The following ADAMTS6 variants were observed in gnomAD, a reference collection of about 807,000 sequenced individuals.
ADAMTS6 encodes the protein A disintegrin and metalloproteinase with thrombospondin motifs 6.
ADAMTS6 carries 23 observed loss-of-function variants against 144.3 expected under a neutral mutation model. That is an observed-to-expected ratio of 0.16 (90% CI 0.11 to 0.23). The LOEUF (loss-of-function observed/expected upper bound fraction) is 0.23, where lower values mean the gene tolerates loss of function less well. Ranked by LOEUF, ADAMTS6 falls within the 10% of genes least tolerant of loss-of-function variation. The pLI, the probability that ADAMTS6 is intolerant of heterozygous loss-of-function variation, is 1.00. For missense variants in ADAMTS6, 999 were observed against 1,379.6 expected (o/e 0.72, Z 4.37); for synonymous variants, 444 against 457.5 (o/e 0.97, Z 0.38).
At chr5:65,361,944 A>G (rs1749862852) in intron 7 of ADAMTS6, among the ~76,000 whole-genome samples, 1 of 152,148 alleles carries the variant, frequency 6.6e-6, no homozygotes, top group Non-Finnish European at 1.5e-5. Context: ...CACATTGCCC[A>G]GGCTGGTCTC....
intron 12 of ADAMTS6, among the ~76,000 whole-genome samples, chr5:65,270,844 G>T (rs1392194649): frequency 1.3e-5 from 2 of 152,096 alleles, no homozygotes; most frequent in Non-Finnish European, 2.9e-5. Context: ...GCCTTTGGAG[G>T]TATGTCAGAA....
Position 65,470,769 on chromosome 5 carries a change from T to C in ADAMTS6, c.462+9A>G. 6.5e-7 allele frequency: 1 copy of C among 1,539,128 alleles called. No homozygotes were observed. ...CCATCAGAAGTTTAAAATTATAGCA[T>C]CTACTTACCAACCCAACACAGTTGC... On this transcript the variant is annotated intron_variant, in intron 3 of 24. Coordinates refer to ENST00000381055, the MANE Select transcript of ADAMTS6 (RefSeq NM_197941.4).
chr5:65,447,039 T>A (rs1758322862), intron 7 of ADAMTS6, among the ~76,000 whole-genome samples: 1 of 152,124 alleles, frequency 6.6e-6, no homozygotes, highest in Admixed American at 6.5e-5. Context: ...CTGTTACGTA[T>A]TATTATCTTA....
intron 10 of ADAMTS6, chr5:65,297,341 G>T: frequency 2.3e-6 from 1 of 426,416 alleles, no homozygotes; most frequent in Non-Finnish European, 4.6e-6. Flanking sequence ...TATTCTATTG[G>T]CCATGGAATA....
intron 14 of ADAMTS6, among the ~76,000 whole-genome samples, chr5:65,253,812 CTTTTTTTTTTTTTTTTTTTTT>C (rs759508097): frequency 4.5e-5 from 3 of 66,962 alleles, no homozygotes; most frequent in African/African-American, 1.3e-4. Context: ...AATATTCAAT[CTTTTTTTTTTTTTTTTTTTTT>C]TTTTTTTTTT....
chr5:65,196,101 C>T (rs940562449), intron 21 of ADAMTS6, among the ~76,000 whole-genome samples: 5 of 152,168 alleles, frequency 3.3e-5, no homozygotes, highest in South Asian at 2.1e-4. Context: ...CATTAATCAA[C>T]AGAAAGAGAC....
intron 7 of ADAMTS6, among the ~76,000 whole-genome samples, chr5:65,398,808 GAAAGAA>G (rs1753626382): frequency 2.3e-5 from 2 of 88,304 alleles, no homozygotes; most frequent in Non-Finnish European, 4.9e-5. Context: ...AAGAAAGAAA[GAAAGAA>G]AGAAAGAAAG....
At chr5:65,219,950 T>C (rs1378982388) in intron 18 of ADAMTS6, among the ~76,000 whole-genome samples, 1 of 152,186 alleles carries the variant, frequency 6.6e-6, no homozygotes, top group Non-Finnish European at 1.5e-5. Flanking sequence ...TTTCAGTAAT[T>C]CTTCAACAAG....
chr5:65,432,106 A>T (rs1010571737), intron 7 of ADAMTS6, among the ~76,000 whole-genome samples: 3 of 152,062 alleles, frequency 2.0e-5, no homozygotes, highest in Admixed American at 6.6e-5. Flanking sequence ...GAACTTATGA[A>T]ATAAGAATAA....
At chr5:65,243,997 T>C (rs751585228) in intron 14 of ADAMTS6, among the ~76,000 whole-genome samples, 3 of 152,074 alleles carry the variant, frequency 2.0e-5, no homozygotes, top group Non-Finnish European at 2.9e-5. Flanking sequence ...GCAATATATA[T>C]AGCATATGAC....
intron 7 of ADAMTS6, among the ~76,000 whole-genome samples, chr5:65,334,538 C>T (rs1050897697): frequency 6.6e-6 from 1 of 152,084 alleles, no homozygotes; most frequent in Non-Finnish European, 1.5e-5. Context: ...GTTGCTTTAA[C>T]TCTAGCACAG....
At chr5:65,410,580 A>G (rs935774735) in intron 7 of ADAMTS6, among the ~76,000 whole-genome samples, 10 of 152,196 alleles carry the variant, frequency 6.6e-5, no homozygotes, top group Admixed American at 5.9e-4. Context: ...TATGCAATAT[A>G]TTAATATTAT....
At chr5:65,424,813 T>C (rs778766389) in intron 7 of ADAMTS6, among the ~76,000 whole-genome samples, 1 of 152,210 alleles carries the variant, frequency 6.6e-6, no homozygotes, top group Non-Finnish European at 1.5e-5. Flanking sequence ...GGCTTTTTAA[T>C]TATGTTGTTT....
rs565162445 is a variant in ADAMTS6, at chr5:65,149,498, A to G, written c.*2338T>C. 248 of 152,440 alleles carry G rather than the reference A, an allele frequency of 1.6e-3. No homozygotes were observed. The highest frequency in any genetic ancestry group is 2.9e-3 in the Non-Finnish European group (198 of 68,070). 9.4% of individuals were successfully genotyped at this position (152,440 alleles called of 1,614,324 possible). A position where few individuals can be genotyped will look rare whatever the true frequency, so the allele number is the denominator to read the frequency against. On this transcript the variant is annotated 3_prime_UTR_variant, in exon 25 of 25. Coordinates refer to ENST00000381055, the MANE Select transcript of ADAMTS6 (RefSeq NM_197941.4). ...TGCATTTTGTTCTCAGTGCTGGGGC[A>G]CATCCCAGAAGTGACACTGACTGCC...
At position 65,224,052 on chromosome 5, in the gene ADAMTS6, G is replaced by A. The variant is rs144507701; in HGVS notation, c.2272+268C>T. Among the ~76,000 whole-genome samples, 459 of 152,014 alleles carry A rather than the reference G, an allele frequency of 3.0e-3. 2 individuals carry two copies. Among genetic ancestry groups the A allele is most frequent in the African/African-American group, 0.011 (447 of 41,450 alleles). The stretch of plus-strand genomic sequence containing the variant: ...CCTGACCTTGTGATCCACCCGCCTC[G>A]GCCTCCCAAAGTGCTGGGATTACAG... On this transcript the variant is annotated intron_variant, in intron 18 of 24. Transcript: ENST00000381055.
chr5:65,274,868 A>G (rs1014862548), intron 11 of ADAMTS6, among the ~76,000 whole-genome samples: 1 of 152,132 alleles, frequency 6.6e-6, no homozygotes, highest in Non-Finnish European at 1.5e-5. Flanking sequence ...TATTTTCAGT[A>G]GAGACAGGGT....
chr5:65,275,415 GAAAA>G (rs1561364556), intron 11 of ADAMTS6, among the ~76,000 whole-genome samples: 12 of 120,794 alleles, frequency 9.9e-5, no homozygotes, highest in African/African-American at 3.2e-4. Flanking sequence ...AAGAAAGAAA[GAAAA>G]GAAAGAAAGA....
rs534959187 is a variant in ADAMTS6 at position 65,228,127 on chromosome 5, T to C, written c.1934-1908A>G. On this transcript the variant is annotated intron_variant, in intron 15 of 24. Transcript: ENST00000381055. ...TTTTATATGATTCTCATGAATTAAA[T>C]TACCCAAAATGTCCATGAATCTTAC... Among the ~76,000 whole-genome samples, 3 of 152,298 alleles carry C rather than the reference T, an allele frequency of 2.0e-5. No individual in the cohort carries two copies. In the South Asian group the frequency reaches 6.2e-4, roughly 32 times the overall value.
intron 9 of ADAMTS6, among the ~76,000 whole-genome samples, chr5:65,316,414 A>C (rs1745002511): frequency 6.6e-6 from 1 of 152,218 alleles, no homozygotes; most frequent in South Asian, 2.1e-4. Flanking sequence ...TAATTGAAAA[A>C]GAAAATGGAA....
Sources: allele counts gnomAD v4.1 joint callset (sites outside exome capture counted in the v4.1 genomes callset), GRCh38; gene constraint gnomAD v4.1.1; transcripts MANE v1.5; gene names NCBI Gene and HGNC (gene_info 2026-07-23, HGNC 2026-07-21).